The following WRAP73 variants were observed in gnomAD, a reference collection of about 807,000 sequenced individuals.
WRAP73 encodes WD repeat containing, antisense to TP73, also known as WD repeat-containing protein WRAP73.
In WRAP73, 55 loss-of-function variants were observed where a neutral mutation model predicts 59.6. The observed-to-expected ratio is 0.92, with a 90% CI of 0.74 to 1.15. WRAP73 has a LOEUF of 1.15. Among genes scored for constraint, WRAP73 ranks in the 50% most tolerant of loss-of-function variants. The pLI, the probability that WRAP73 is intolerant of heterozygous loss-of-function variation, is 0.00. For synonymous variants in WRAP73, 265 were observed against 258.2 expected, an observed-to-expected ratio of 1.03 and a Z score of -0.25; for missense variants, 592 against 608.1, an observed-to-expected ratio of 0.97 and a Z score of 0.28.
At chr1:3,631,396 G>C in intron 11 of WRAP73, 70 bp downstream of exon 11, 1 of 1,520,838 alleles carries the variant, frequency 6.6e-7, no homozygotes, top group African/African-American at 1.4e-5. Context: ...GGCTTCAACA[G>C]TTCAGCCCGT....
chr1:3,641,441 C>T (rs1290628080), intron 3 of WRAP73, among the ~76,000 whole-genome samples: 1 of 152,220 alleles, frequency 6.6e-6, no homozygotes, highest in Non-Finnish European at 1.5e-5. Context: ...GGCCACTGAT[C>T]CACCCCACAA....
intron 8 of WRAP73, 140 bp downstream of exon 8, chr1:3,634,857 A>G: frequency 9.7e-7 from 1 of 1,029,912 alleles, no homozygotes; most frequent in Non-Finnish European, 1.5e-6. Flanking sequence ...AGACGCGTGA[A>G]ATGTCACAGT....
In WRAP73 at chr1:3,647,423, C is replaced by G; in HGVS notation, c.207G>C (p.Lys69Asn). Residue 69 changes from lysine to asparagine, a missense_variant, in exon 2 of 12, where the codon AAG (lysine) becomes AAC (asparagine). Transcript: ENST00000270708. The part of the protein sequence containing the change: ...DSLFILCAMY[K>N]RGLVQVWSLE... ...CAGCACACACCTGCACCAGCCCTCG[C>G]TTGTACATGGCGCACAGGATGAAGA... The G allele has an allele frequency of 6.2e-7, 1 of 1,613,692 alleles. No homozygotes were observed. Among genetic ancestry groups the G allele is most frequent in the Non-Finnish European group, 8.5e-7 (1 of 1,179,882 alleles).
Position 3,639,230 on chromosome 1 carries a change from C to T in WRAP73, c.340-408G>A, listed in dbSNP as rs753960515. 3.3e-4 allele frequency: 68 copies of T among 208,250 alleles called. No individual in the cohort carries two copies. The highest frequency in any genetic ancestry group is 5.9e-4 in the Non-Finnish European group (61 of 103,396). 12.9% of individuals were successfully genotyped at this position (208,250 alleles called of 1,614,324 possible). On this transcript the variant is annotated intron_variant, in intron 3 of 11. Transcript: ENST00000270708. This position sits in a 1 kb window ranked among gnomAD's most constrained non-coding sequence, Gnocchi z 4.3. ...ATCTGGAGATTGGATGCAGCCACTC[C>T]GGGACTCACCAGGGGGCTGTGAGCC... is the stretch of plus-strand genomic sequence containing the variant.
intron 1 of WRAP73, among the ~76,000 whole-genome samples, chr1:3,648,511 G>T (rs1644711804): frequency 6.6e-6 from 1 of 152,178 alleles, no homozygotes; most frequent in Non-Finnish European, 1.5e-5. Flanking sequence ...TGAAAACTGT[G>T]ATCAGTTACA....
In WRAP73 at chr1:3,650,011, G is replaced by A; in HGVS notation, c.-12C>T. ...TCGGAGAAGTTCATGGCCGCCGCCT[G>A]CCGCGGGCGCCACCCTGCGCCCGAA... On this transcript the variant is annotated 5_prime_UTR_variant, in exon 1 of 12. Coordinates refer to ENST00000270708, the MANE Select transcript of WRAP73 (RefSeq NM_017818.4). The A allele has an allele frequency of 1.9e-6, 3 of 1,584,722 alleles. No individual in the cohort carries two copies. The highest frequency in any genetic ancestry group is 2.6e-6 in the Non-Finnish European group (3 of 1,167,882).
rs1335496915 is a variant in WRAP73 at position 3,631,473 on chromosome 1, A to G, written c.1233T>C (p.Pro411=). 1.3e-6 allele frequency: 2 copies of G among 1,596,714 alleles called. No homozygotes were observed. The highest frequency in any genetic ancestry group is 1.7e-6 in the Non-Finnish European group (2 of 1,171,596). ...SPAGCMSVQV[P]GEGDFAVLSL... ...CCTCGGGGATGTGCTTACCTTCCCCAGGCACCTGCACCGACATGCAGCCCG... is the reference window on the plus strand; with the variant it reads ...CCTCGGGGATGTGCTTACCTTCCCCGGGCACCTGCACCGACATGCAGCCCG... Residue 411 remains proline, a synonymous_variant, in exon 11 of 12, where the codon CCT becomes CCC. Transcript: ENST00000270708.
In WRAP73 at chr1:3,647,435, G is replaced by A. The variant is rs768787313; in HGVS notation, c.195C>T (p.Cys65=). Residue 65 remains cysteine (C), a synonymous_variant, in exon 2 of 12, where the codon TGC becomes TGT. Coordinates refer to ENST00000270708, the MANE Select transcript of WRAP73 (RefSeq NM_017818.4). ...GCACCAGCCCTCGCTTGTACATGGC[G>A]CACAGGATGAAGAGCGAGTCTGCCG... The part of the protein sequence containing the change: ...EWSADSLFIL[C]AMYKRGLVQV... The A allele has an allele frequency of 3.9e-5, 63 of 1,613,598 alleles. 3 individuals carry two copies. In the South Asian group the frequency reaches 4.5e-4, roughly 12 times the overall value.
chr1:3,637,973 G>T (rs573203849), intron 4 of WRAP73, among the ~76,000 whole-genome samples: 1 of 152,182 alleles, frequency 6.6e-6, no homozygotes, highest in Non-Finnish European at 1.5e-5. Flanking sequence ...CTCAAATGAC[G>T]AAACCACGGT....
intron 3 of WRAP73, among the ~76,000 whole-genome samples, chr1:3,645,363 G>C (rs1644679239): frequency 2.9e-5 from 3 of 102,512 alleles, no homozygotes; most frequent in Non-Finnish European, 4.8e-5. Context: ...GGATGGGCGG[G>C]TTGCCCCGTG....
rs752043053 is a variant in WRAP73, at chr1:3,630,991, A to AGCTGTCTGCAGGCTGTGCCGACC, written c.1344_1366dup (p.Leu456ArgfsTer51). 1.2e-6 allele frequency: 2 copies of AGCTGTCTGCAGGCTGTGCCGACC among 1,612,896 alleles called. No homozygotes were observed. The highest frequency in any genetic ancestry group is 2.2e-5 in the South Asian group (2 of 91,086). Reference sequence around the variant, plus strand: ...GCACCGCTGCTACGTGTGGCCGCCCAGCTGTCTGCAGGCTGTGCCGACCAC... The same window carrying AGCTGTCTGCAGGCTGTGCCGACC: ...GCACCGCTGCTACGTGTGGCCGCCCAGCTGTCTGCAGGCTGTGCCGACCGCTGTCTGCAGGCTGTGCCGACCAC... On this transcript the variant is annotated frameshift_variant, in exon 12 of 12. Coordinates refer to ENST00000270708, the MANE Select transcript of WRAP73 (RefSeq NM_017818.4). LOFTEE classifies it high-confidence loss of function.
At chr1:3,647,349 C>G in intron 2 of WRAP73, 59 bp downstream of exon 2, 1 of 1,518,002 alleles carries the variant, frequency 6.6e-7, no homozygotes, top group Non-Finnish European at 8.8e-7. Flanking sequence ...GAACAAAACC[C>G]CTCCTTCCCA....
In WRAP73 at chr1:3,631,497, C is replaced by G; in HGVS notation, c.1209G>C (p.Ala403=). The change falls in exon 11 of 12, where the codon GCG becomes GCC. Residue 403 remains alanine, a synonymous_variant. Coordinates refer to ENST00000270708, the MANE Select transcript of WRAP73 (RefSeq NM_017818.4). ...GGSRLYLWSP[A]GCMSVQVPGE... is the part of the protein sequence containing the mutation. ...CAGGCACCTGCACCGACATGCAGCCCGCTGGGGACCACAGGTAGAGCCTGC... is the reference window on the plus strand; with the variant it reads ...CAGGCACCTGCACCGACATGCAGCCGGCTGGGGACCACAGGTAGAGCCTGC... 6.2e-7 allele frequency: 1 copy of G among 1,607,354 alleles called. No individual in the cohort carries two copies. The highest frequency in any genetic ancestry group is 1.1e-5 in the South Asian group (1 of 90,076).
intron 3 of WRAP73, among the ~76,000 whole-genome samples, chr1:3,645,504 G>A (rs1371862085): frequency 6.7e-6 from 1 of 149,500 alleles, no homozygotes; most frequent in Non-Finnish European, 1.5e-5. Flanking sequence ...GCGGCGCAGC[G>A]GGATGGGCGG....
rs1398491576 is a variant in WRAP73 at position 3,631,647 on chromosome 1, G to A, written c.1059C>T (p.Pro353=). The change falls in exon 11 of 12, where the codon CCC becomes CCT. Residue 353 remains proline (P), a synonymous_variant. Transcript: ENST00000270708. ...YFLATRNDNI[P]NAVWVWDIQK... is the part of the protein sequence containing the mutation. ...GAATGTCCCAGACCCAGACGGCATT[G>A]GGAATGTTGTCTGAGGAAGGAAGGA... 4 of 1,593,500 alleles carry A rather than the reference G, an allele frequency of 2.5e-6. No homozygotes were observed. Among genetic ancestry groups the A allele is most frequent in the Non-Finnish European group, 3.4e-6 (4 of 1,174,580 alleles).
chr1:3,631,440 G>A (rs760101988), intron 11 of WRAP73, 26 bp downstream of exon 11: 7 of 1,564,380 alleles, frequency 4.5e-6, no homozygotes, highest in Middle Eastern at 1.7e-4. Context: ...AGGCTGCCAC[G>A]TCCGTGGCCT....
At chr1:3,642,145 C>G (rs565606639) in intron 3 of WRAP73, among the ~76,000 whole-genome samples, 1 of 152,208 alleles carries the variant, frequency 6.6e-6, no homozygotes, top group Admixed American at 6.5e-5. Context: ...GCCAGCTATA[C>G]AGGAGGCTGG....
At chr1:3,633,636 G>A in intron 8 of WRAP73, 133 bp from the exon 9 acceptor site, 1 of 699,682 alleles carries the variant, frequency 1.4e-6, no homozygotes, top group Non-Finnish European at 2.4e-6. Flanking sequence ...CTGCCACCGG[G>A]AGAGACGGAA....
At chr1:3,649,704 G>A (rs1411133682) in intron 1 of WRAP73, among the ~76,000 whole-genome samples, 2 of 150,490 alleles carry the variant, frequency 1.3e-5, no homozygotes, top group Admixed American at 6.6e-5. Flanking sequence ...GCACCTCCCC[G>A]GGCCCTCCAC....
Sources: allele counts gnomAD v4.1 joint callset (sites outside exome capture counted in the v4.1 genomes callset), GRCh38; gene constraint gnomAD v4.1.1; non-coding constraint Gnocchi (gnomAD v3.1); transcripts MANE v1.5; gene names NCBI Gene and HGNC (gene_info 2026-07-23, HGNC 2026-07-21).